WNT2B: variants seen among roughly 807,000 people sequenced by gnomAD.
WNT2B encodes the protein protein Wnt-2b.
Under a neutral mutation model 40.5 loss-of-function variants are expected in WNT2B, and 19 were observed. That is an observed-to-expected ratio of 0.47 (90% CI 0.33 to 0.69). The LOEUF (loss-of-function observed/expected upper bound fraction) is 0.69, where lower values mean the gene tolerates loss of function less well. Ranked by LOEUF, WNT2B falls within the 30% of genes least tolerant of loss-of-function variation. WNT2B has a pLI of 0.02. For synonymous variants in WNT2B, 220 were observed against 211.9 expected, an observed-to-expected ratio of 1.04 and a Z score of -0.33; for missense variants, 467 against 556.4, an observed-to-expected ratio of 0.84 and a Z score of 1.62.
chr1:112,473,075 G>GAAAGGAAGAA (rs1367412491), intron 1 of WNT2B, among the ~76,000 whole-genome samples: 57 of 138,508 alleles, frequency 4.1e-4, no homozygotes, highest in African/African-American at 1.2e-3. Flanking sequence ...GGAAGAAAAA[G>GAAAGGAAGAA]AAAGAAAGAA....
At chr1:112,508,896 C>T (rs1325847090), upstream of WNT2B, 3 of 1,051,862 alleles carry the variant, frequency 2.9e-6, no homozygotes, top group South Asian at 1.3e-4. The surrounding 1 kb of genome is among the most constrained non-coding windows in gnomAD (Gnocchi z 4.2). Context: ...CCCTAAGGGC[C>T]GCGCGTGTCC....
chr1:112,480,563 A>T (rs1651195190), intron 1 of WNT2B, among the ~76,000 whole-genome samples: 1 of 152,100 alleles, frequency 6.6e-6, no homozygotes, highest in Non-Finnish European at 1.5e-5. Flanking sequence ...GACCAATAAA[A>T]AATAAGGCAA....
chr1:112,526,318 C>T lies in WNT2B; in HGVS notation c.*5809C>T, dbSNP rs1488755110. ...ATATTCCACATTTAAACAACTCTGGCTCCTAATTCTACTCCTTTTTTCCCC... is the reference window on the plus strand; with the variant it reads ...ATATTCCACATTTAAACAACTCTGGTTCCTAATTCTACTCCTTTTTTCCCC... On this transcript the variant is annotated 3_prime_UTR_variant, in exon 5 of 5. Coordinates refer to ENST00000369684, the MANE Select transcript of WNT2B (RefSeq NM_024494.3). 7 of 503,034 alleles carry T rather than the reference C, an allele frequency of 1.4e-5. No homozygotes were observed. Among genetic ancestry groups the T allele is most frequent in the African/African-American group, 3.8e-5 (2 of 52,826 alleles). The allele number at this position is 503,034 out of a possible 1,614,324, so 31.2% of individuals were successfully genotyped here.
rs146826126 is a variant in WNT2B, at chr1:112,510,392, C to T, written c.182+948C>T. On this transcript the variant is annotated intron_variant, in intron 1 of 4. Transcript: ENST00000369684. ...ACCTAGAAAAGACTCAGTCTTTCCTCTTCACCCCACAATCAAACTGGCCTC... is the reference window on the plus strand; with the variant it reads ...ACCTAGAAAAGACTCAGTCTTTCCTTTTCACCCCACAATCAAACTGGCCTC... 3.9e-3 allele frequency among the ~76,000 whole-genome samples: 591 copies of T among 152,308 alleles called. 1 individual carries two copies. The highest frequency in any genetic ancestry group is 0.014 in the African/African-American group (575 of 41,564).
rs116404079 is a variant in WNT2B, at chr1:112,483,374, T to C, written c.-95+15783T>C. 3.3e-3 allele frequency among the ~76,000 whole-genome samples: 495 copies of C among 152,104 alleles called. 2 individuals are homozygous for C. Among genetic ancestry groups the C allele is most frequent in the African/African-American group, 0.01 (435 of 41,484 alleles). On this transcript the variant is annotated intron_variant, in intron 1 of 4. Transcript: ENST00000256640. Reference sequence around the variant, plus strand: ...CAACAAGGATGCCAATAACACACAATTGGAAAAGGATCATCTCCTTGATAG... The same window carrying C: ...CAACAAGGATGCCAATAACACACAACTGGAAAAGGATCATCTCCTTGATAG...
intron 1 of WNT2B, among the ~76,000 whole-genome samples, chr1:112,474,898 C>T (rs1181557063): frequency 6.6e-6 from 1 of 152,150 alleles, no homozygotes; most frequent in Non-Finnish European, 1.5e-5. Flanking sequence ...CCCCCACACA[C>T]ACACCCAGCT....
At chr1:112,474,064 CAAAA>C (rs57010677) in intron 1 of WNT2B, among the ~76,000 whole-genome samples, 8 of 118,072 alleles carry the variant, frequency 6.8e-5, no homozygotes, top group Non-Finnish European at 3.5e-5. Context: ...GACTCTGTCT[CAAAA>C]AAAAAAAAAA....
intron 1 of WNT2B, among the ~76,000 whole-genome samples, chr1:112,473,819 G>T (rs1650965671): frequency 6.6e-6 from 1 of 151,854 alleles, no homozygotes; most frequent in Non-Finnish European, 1.5e-5. Context: ...CACTTTGGGA[G>T]GCCGAGGCGG....
chr1:112,506,262 G>A (rs774533839), upstream of WNT2B, among the ~76,000 whole-genome samples: 46 of 152,200 alleles, frequency 3.0e-4, no homozygotes, highest in Non-Finnish European at 6.0e-4. Flanking sequence ...GCCTCCCAAT[G>A]TGCTGGGATT....
At chr1:112,506,315 A>C (rs1318003374), upstream of WNT2B, among the ~76,000 whole-genome samples, 1 of 152,208 alleles carries the variant, frequency 6.6e-6, no homozygotes, top group East Asian at 1.9e-4. Context: ...AACATGCTTT[A>C]ATACTTGAGC....
At chr1:112,493,420 C>A (rs1651664774) in intron 1 of WNT2B, among the ~76,000 whole-genome samples, 1 of 152,072 alleles carries the variant, frequency 6.6e-6, no homozygotes. Context: ...GAGTTCGAGA[C>A]CAGCCTGGGC....
intron 1 of WNT2B, among the ~76,000 whole-genome samples, chr1:112,496,411 TAACTC>T (rs1449348707): frequency 1.3e-5 from 2 of 152,090 alleles, no homozygotes; most frequent in Admixed American, 6.6e-5. Context: ...CCCAAAGTCT[TAACTC>T]ATTCCAGCAT....
chr1:112,470,107 A>T (rs191266420), intron 1 of WNT2B, among the ~76,000 whole-genome samples: 6 of 152,246 alleles, frequency 3.9e-5, no homozygotes, highest in Admixed American at 3.9e-4. Context: ...TTGATTGCTC[A>T]ATGACCTTTT....
At chr1:112,479,937 C>T (rs1466669272) in intron 1 of WNT2B, among the ~76,000 whole-genome samples, 1 of 152,022 alleles carries the variant, frequency 6.6e-6, no homozygotes, top group Non-Finnish European at 1.5e-5. Flanking sequence ...TGGTCTCAAT[C>T]TCCTGACCTC....
At position 112,526,168 on chromosome 1, in the gene WNT2B, C is replaced by G; in HGVS notation, c.*5659C>G. The G allele has an allele frequency of 6.2e-7, 1 of 1,609,746 alleles. No homozygotes were observed. Among genetic ancestry groups the G allele is most frequent in the African/African-American group, 1.3e-5 (1 of 74,940 alleles). On this transcript the variant is annotated 3_prime_UTR_variant, in exon 5 of 5. Coordinates refer to ENST00000369684, the MANE Select transcript of WNT2B (RefSeq NM_024494.3). ...AGCCCTGTAGGAGTCCCAGGACAGC[C>G]AAGAGAGTATATCTGAGCACAGTTT...
chr1:112,467,344 A>C lies in WNT2B; in HGVS notation c.-342A>C, dbSNP rs774914276. On this transcript the variant is annotated 5_prime_UTR_variant, in exon 1 of 5. Coordinates refer to the WNT2B transcript ENST00000256640. ...CTGGAAGCCTGAATTGAGGAGCATC[A>C]TGAGCACAGGCACATTTACCAAGAA... 617 of 556,918 alleles carry C rather than the reference A, an allele frequency of 1.1e-3. 2 individuals are homozygous for C. The highest frequency in any genetic ancestry group is 1.5e-3 in the Admixed American group (43 of 28,076). 34.5% of individuals were successfully genotyped at this position (556,918 alleles called of 1,614,324 possible). A position where few individuals can be genotyped will look rare whatever the true frequency, so the allele number is the denominator to read the frequency against.
At chr1:112,505,517 G>A (rs1433843010), upstream of WNT2B, among the ~76,000 whole-genome samples, 1 of 152,302 alleles carries the variant, frequency 6.6e-6, no homozygotes, top group East Asian at 1.9e-4. Flanking sequence ...AACTGAGAGT[G>A]AGAGTGTGGA....
chr1:112,529,293 T>C lies in WNT2B; in HGVS notation c.*8784T>C, dbSNP rs1653982101. 1 of 152,190 alleles carries C rather than the reference T, an allele frequency of 6.6e-6. No homozygotes were observed. The highest frequency in any genetic ancestry group is 2.4e-5 in the African/African-American group (1 of 41,440). 9.4% of individuals were successfully genotyped at this position (152,190 alleles called of 1,614,324 possible). On this transcript the variant is annotated 3_prime_UTR_variant, in exon 5 of 5. Coordinates refer to ENST00000369684, the MANE Select transcript of WNT2B (RefSeq NM_024494.3). ...GGCAGCCACAAAACCAGTGATAGCA[T>C]TTGTTAGTATCATCTTAGTTCTCTT... is the stretch of plus-strand genomic sequence containing the variant.
At chr1:112,504,107 AG>A (rs1652039271), upstream of WNT2B, among the ~76,000 whole-genome samples, 1 of 57,270 alleles carries the variant, frequency 1.7e-5, no homozygotes, top group South Asian at 8.2e-4. Context: ...GAGGCTGGTC[AG>A]TTGACCACCC....
Sources: gnomAD v4.1 joint callset for allele counts (sites outside exome capture counted in the v4.1 genomes callset) on GRCh38, gnomAD v4.1.1 for gene constraint, Gnocchi (gnomAD v3.1) non-coding constraint, MANE v1.5 for transcripts, NCBI Gene and HGNC (gene_info 2026-07-23, HGNC 2026-07-21) for gene names.